CYP2C18: variants seen among roughly 807,000 people sequenced by gnomAD.
CYP2C18 encodes the protein cytochrome P450 2C18.
A neutral mutation model predicts 41.3 loss-of-function variants in CYP2C18; 38 were observed. The observed-to-expected ratio is 0.92, with a 90% CI of 0.71 to 1.21. CYP2C18 has a LOEUF of 1.21. Ranked by LOEUF, CYP2C18 falls within the 50% of genes most tolerant of loss-of-function variation. CYP2C18 has a pLI of 0.00. For missense variants in CYP2C18, 635 were observed against 591.4 expected (o/e 1.07, Z -0.77); for synonymous variants, 236 against 210.0 (o/e 1.12, Z -1.07).
chr10:94,692,779 CA>C (rs1420039453), intron 3 of CYP2C18, among the ~76,000 whole-genome samples: 1 of 152,132 alleles, frequency 6.6e-6, no homozygotes, highest in African/African-American at 2.4e-5. Context: ...CCCAAGTGTC[CA>C]ACAACGATAG....
intron 1 of CYP2C18, 99 bp downstream of exon 1, chr10:94,684,086 A>G: frequency 1.2e-6 from 1 of 825,730 alleles, no homozygotes; most frequent in Non-Finnish European, 1.8e-6. Context: ...TGATAATTGT[A>G]TATATTAATG....
rs146364982 is a variant in CYP2C18 at position 94,707,478 on chromosome 10, C to T, written c.819+518C>T. 4.5e-4 allele frequency among the ~76,000 whole-genome samples: 68 copies of T among 152,198 alleles called. No homozygotes were observed. In the Middle Eastern group the frequency reaches 0.017, roughly 38 times the overall value. ...AACTGAATGGAACCAAAAGTAAATCCGGACAAATATGGAATTGGAGGTGTC... is the reference window on the plus strand; with the variant it reads ...AACTGAATGGAACCAAAAGTAAATCTGGACAAATATGGAATTGGAGGTGTC... On this transcript the variant is annotated intron_variant, in intron 5 of 8. Coordinates refer to ENST00000285979, the MANE Select transcript of CYP2C18 (RefSeq NM_000772.3).
chr10:94,710,526 C>T (rs1352427406), intron 5 of CYP2C18, among the ~76,000 whole-genome samples: 4 of 152,040 alleles, frequency 2.6e-5, no homozygotes. Context: ...GATGTCTTTC[C>T]ATTTATTTAG....
chr10:94,707,677 T>A (rs2134191641), intron 5 of CYP2C18, among the ~76,000 whole-genome samples: 1 of 152,274 alleles, frequency 6.6e-6, no homozygotes, highest in East Asian at 1.9e-4. Flanking sequence ...AGACATTTCA[T>A]ATATTTGAAG....
chr10:94,717,843 T>A (rs1847579884), intron 5 of CYP2C18, among the ~76,000 whole-genome samples: 1 of 152,168 alleles, frequency 6.6e-6, no homozygotes, highest in African/African-American at 2.4e-5. Context: ...CATGCTGTTT[T>A]AATTACTATT....
chr10:94,695,137 A>G, intron 4 of CYP2C18, 60 bp downstream of exon 4: 1 of 1,413,602 alleles, frequency 7.1e-7, no homozygotes, highest in Non-Finnish European at 9.6e-7. Flanking sequence ...AGACAGTCCA[A>G]TTTTTTTAAT....
In CYP2C18 at chr10:94,684,823, T is replaced by G. The variant is rs60421813; in HGVS notation, c.168+836T>G. ...TAATTTACATACCCAAGGTTCACTT[T>G]ATTCCACATCTTTGTCAACACTTGT... On this transcript the variant is annotated intron_variant, in intron 1 of 8. Transcript: ENST00000285979. 4.7e-3 allele frequency among the ~76,000 whole-genome samples: 712 copies of G among 152,254 alleles called. 6 individuals carry two copies. Among genetic ancestry groups the G allele is most frequent in the African/African-American group, 0.016 (682 of 41,552 alleles).
At position 94,719,775 on chromosome 10, in the gene CYP2C18, A is replaced by G. The variant is rs113684072; in HGVS notation, c.820-621A>G. 4.2e-3 allele frequency among the ~76,000 whole-genome samples: 646 copies of G among 152,020 alleles called. 4 individuals are homozygous for G. Among genetic ancestry groups the G allele is most frequent in the Middle Eastern group, 0.01 (3 of 294 alleles). ...TTTTTAGTAGAGATGAGATTTCACC[A>G]TGTTGCCCAGGCTGGTCTCGAACTC... On this transcript the variant is annotated intron_variant, in intron 5 of 8. Coordinates refer to ENST00000285979, the MANE Select transcript of CYP2C18 (RefSeq NM_000772.3).
At chr10:94,714,826 C>T (rs191386767) in intron 5 of CYP2C18, among the ~76,000 whole-genome samples, 44 of 152,210 alleles carry the variant, frequency 2.9e-4, no homozygotes, top group African/African-American at 1.0e-3. Context: ...AATGTTCTTC[C>T]ATTTGTTTGT....
rs1846919477 is a variant in CYP2C18 at position 94,687,859 on chromosome 10, C to G, written c.258C>G (p.Ala86=). The G allele has an allele frequency of 6.2e-7, 1 of 1,613,714 alleles. No homozygotes were observed. Among genetic ancestry groups the G allele is most frequent in the East Asian group, 2.2e-5 (1 of 44,866 alleles). ...VLHGYEAVKE[A]LIDHGEEFSG... is the part of the protein sequence containing the mutation. ...ATGGATATGAAGCAGTGAAGGAGGC[C>G]CTGATTGATCATGGAGAGGAGTTTT... The change falls in exon 2 of 9, where the codon GCC becomes GCG. Residue 86 remains alanine, a synonymous_variant. Coordinates refer to ENST00000285979, the MANE Select transcript of CYP2C18 (RefSeq NM_000772.3).
intron 1 of CYP2C18, among the ~76,000 whole-genome samples, chr10:94,684,312 G>T (rs574327482): frequency 6.6e-6 from 1 of 152,076 alleles, no homozygotes; most frequent in African/African-American, 2.4e-5. Flanking sequence ...CTATCTAAGT[G>T]TAACTCTGTA....
intron 4 of CYP2C18, among the ~76,000 whole-genome samples, chr10:94,698,804 C>T (rs1221302093): frequency 6.6e-6 from 1 of 152,086 alleles, no homozygotes; most frequent in Non-Finnish European, 1.5e-5. Context: ...GATATCACCA[C>T]CAATCCCACA....
chr10:94,727,901 T>G (rs572529648), intron 7 of CYP2C18, among the ~76,000 whole-genome samples: 4 of 152,250 alleles, frequency 2.6e-5, no homozygotes, highest in Admixed American at 1.3e-4. Context: ...AGTACTTCAG[T>G]ATATAATTCC....
At chr10:94,720,581 T>A in intron 6 of CYP2C18, 44 bp downstream of exon 6, 1 of 1,577,192 alleles carries the variant, frequency 6.3e-7, no homozygotes, top group African/African-American at 1.4e-5. Context: ...TCAGAAAAGA[T>A]GTTGGGAAGA....
At chr10:94,731,004 C>A (rs909902783) in intron 7 of CYP2C18, among the ~76,000 whole-genome samples, 1 of 152,168 alleles carries the variant, frequency 6.6e-6, no homozygotes, top group Non-Finnish European at 1.5e-5. Flanking sequence ...AACTGCAAAA[C>A]ACTACTGAAA....
At chr10:94,725,104 TATATA>T (rs1477587926) in intron 7 of CYP2C18, among the ~76,000 whole-genome samples, 1 of 148,140 alleles carries the variant, frequency 6.8e-6, no homozygotes, top group Non-Finnish European at 1.5e-5. Flanking sequence ...ATGAAATAAA[TATATA>T]TAATATTAAA....
chr10:94,728,098 CTTGTT>C (rs1279512554), intron 7 of CYP2C18, among the ~76,000 whole-genome samples: 1 of 151,934 alleles, frequency 6.6e-6, no homozygotes, highest in Non-Finnish European at 1.5e-5. Context: ...ATTTGGTTAT[CTTGTT>C]TTGTTAATCC....
At chr10:94,711,709 T>C (rs1020669729) in intron 5 of CYP2C18, among the ~76,000 whole-genome samples, 6 of 152,030 alleles carry the variant, frequency 3.9e-5, no homozygotes, top group African/African-American at 1.4e-4. Context: ...CTGTGCCCAG[T>C]CTAAATTACC....
At chr10:94,703,815 G>T (rs1417467255) in intron 4 of CYP2C18, among the ~76,000 whole-genome samples, 1 of 152,180 alleles carries the variant, frequency 6.6e-6, no homozygotes, top group East Asian at 1.9e-4. Context: ...CTTGGTGTCT[G>T]GCCAAGTGGC....
Sources: gnomAD v4.1 joint callset for allele counts (sites outside exome capture counted in the v4.1 genomes callset) on GRCh38, gnomAD v4.1.1 for gene constraint, MANE v1.5 for transcripts, NCBI Gene and HGNC (gene_info 2026-07-23, HGNC 2026-07-21) for gene names.